Variants in FSD1L observed in about 807,000 individuals in gnomAD.
FSD1L encodes fibronectin type III and SPRY domain containing 1 like.
FSD1L carries 45 observed loss-of-function variants against 71.6 expected under a neutral mutation model. The ratio of observed to expected loss-of-function variants is 0.63; its 90% confidence interval spans 0.49 to 0.81. The LOEUF (loss-of-function observed/expected upper bound fraction) is 0.81. Ranked by LOEUF, FSD1L falls within the 30% of genes least tolerant of loss-of-function variation. The pLI is 0.00. For synonymous variants in FSD1L, 197 were observed against 207.2 expected, an observed-to-expected ratio of 0.95 and a Z score of 0.42; for missense variants, 561 against 618.1, an observed-to-expected ratio of 0.91 and a Z score of 0.98.
At chr9:105,455,709 A>G (rs1304812632) in intron 1 of FSD1L, among the ~76,000 whole-genome samples, 2 of 152,088 alleles carry the variant, frequency 1.3e-5, no homozygotes, top group Non-Finnish European at 2.9e-5. Context: ...TAACATCTTG[A>G]ATCTTTCCTT....
intron 7 of FSD1L, among the ~76,000 whole-genome samples, chr9:105,496,978 A>C (rs1469140477): frequency 6.6e-6 from 1 of 152,230 alleles, no homozygotes; most frequent in Non-Finnish European, 1.5e-5. Context: ...CTCTCCATTA[A>C]GTATGGTGTT....
At chr9:105,448,959 G>GAAGTATTTGGAGA (rs1829812418) in intron 1 of FSD1L, among the ~76,000 whole-genome samples, 1 of 152,204 alleles carries the variant, frequency 6.6e-6, no homozygotes, top group Non-Finnish European at 1.5e-5. Flanking sequence ...GGAGAACAAA[G>GAAGTATTTGGAGA]CCAATGTCTT....
chr9:105,531,414 C>G (rs1835887537), intron 10 of FSD1L, among the ~76,000 whole-genome samples: 1 of 152,136 alleles, frequency 6.6e-6, no homozygotes, highest in South Asian at 2.1e-4. Flanking sequence ...TGCTCTGTTT[C>G]TTAGCTGAAT....
At chr9:105,502,383 T>A (rs976690032) in intron 7 of FSD1L, among the ~76,000 whole-genome samples, 1 of 152,234 alleles carries the variant, frequency 6.6e-6, no homozygotes, top group African/African-American at 2.4e-5. Flanking sequence ...TATTTTACTT[T>A]GTATTTATCT....
Position 105,521,844 on chromosome 9 carries a change from T to C in FSD1L, c.1025+8908T>C. 4 of 1,612,362 alleles carry C rather than the reference T, an allele frequency of 2.5e-6. No homozygotes were observed. The South Asian group carries it at 4.4e-5, about 18-fold the overall frequency. ...TGGTACCCAGGCAGTTTTGCAGGTG[T>C]TTATTATAAACTCATCAAATATATT... is the stretch of plus-strand genomic sequence containing the variant. On this transcript the variant is annotated intron_variant, in intron 10 of 13. Transcript: ENST00000481272.
chr9:105,470,916 C>G (rs1831413646), intron 4 of FSD1L, among the ~76,000 whole-genome samples: 2 of 152,214 alleles, frequency 1.3e-5, no homozygotes, highest in African/African-American at 2.4e-5. Flanking sequence ...ACTGAAAACT[C>G]ATCCTGTGCA....
intron 10 of FSD1L, chr9:105,524,996 G>A (rs1835418457): frequency 3.8e-6 from 6 of 1,589,272 alleles, no homozygotes; most frequent in Middle Eastern, 1.7e-4. Flanking sequence ...TATGCCTGGA[G>A]GAGGTTTATC....
chr9:105,455,617 A>G (rs566797284), intron 1 of FSD1L, among the ~76,000 whole-genome samples: 36 of 152,292 alleles, frequency 2.4e-4, no homozygotes, highest in African/African-American at 8.2e-4. Flanking sequence ...CCTGGATTTG[A>G]AAAGCAGAGG....
rs555359170 is a variant in FSD1L, at chr9:105,508,264, G to A, written c.797-353G>A. ...GCGATCTCAGCTAACTGCAAGCTCCGCCTCCCCGGTTCACTCCATTCTCCT... is the reference window on the plus strand; with the variant it reads ...GCGATCTCAGCTAACTGCAAGCTCCACCTCCCCGGTTCACTCCATTCTCCT... On this transcript the variant is annotated intron_variant, in intron 8 of 13. Coordinates refer to ENST00000481272, the MANE Select transcript of FSD1L (RefSeq NM_001145313.3). Among the ~76,000 whole-genome samples, 4 of 142,574 alleles carry A rather than the reference G, an allele frequency of 2.8e-5. No individual in the cohort carries two copies. The South Asian group carries it at 6.7e-4, about 24-fold the overall frequency. The allele number at this position is 142,574 out of a possible 152,430, so 93.5% of individuals were successfully genotyped here. A position where few individuals can be genotyped will look rare whatever the true frequency, so the allele number is the denominator to read the frequency against.
chr9:105,451,901 G>T (rs954076786), intron 1 of FSD1L, among the ~76,000 whole-genome samples: 1 of 152,148 alleles, frequency 6.6e-6, no homozygotes, highest in African/African-American at 2.4e-5. Flanking sequence ...TCTAAGAAAG[G>T]TACTTACTGT....
intron 1 of FSD1L, among the ~76,000 whole-genome samples, chr9:105,450,534 CTT>C (rs35115121): frequency 1.5e-4 from 20 of 137,856 alleles, no homozygotes; most frequent in Admixed American, 1.5e-4. Flanking sequence ...GGATTGTGTT[CTT>C]TTTTTTTTTT....
At position 105,482,674 on chromosome 9, in the gene FSD1L, A is replaced by G. The variant is rs529919556; in HGVS notation, c.465-1707A>G. Among the ~76,000 whole-genome samples the G allele has an allele frequency of 1.6e-4, 24 of 152,330 alleles. No homozygotes were observed. In the South Asian group the frequency reaches 4.8e-3, roughly 30 times the overall value. ...AAGATTGTAGCATTGTTGCCCATCT[A>G]AATTGATTCATGGAAACTTAAGTTT... On this transcript the variant is annotated intron_variant, in intron 6 of 13. Coordinates refer to ENST00000481272, the MANE Select transcript of FSD1L (RefSeq NM_001145313.3).
chr9:105,521,301 A>G, intron 10 of FSD1L: 3 of 1,614,236 alleles, frequency 1.9e-6, no homozygotes, highest in Non-Finnish European at 1.7e-6. Context: ...AGAAGAAAGC[A>G]AAAATGATAA....
At chr9:105,471,767 TA>T (rs1831488037) in intron 4 of FSD1L, 136 bp from the exon 5 acceptor site, 1 of 305,692 alleles carries the variant, frequency 3.3e-6, no homozygotes, top group Non-Finnish European at 6.0e-6. Context: ...CTTGCTACAA[TA>T]GCTCACTGAA....
At chr9:105,520,294 G>C in intron 10 of FSD1L, 2 of 1,536,546 alleles carry the variant, frequency 1.3e-6, no homozygotes, top group South Asian at 1.2e-5. Context: ...TCCTAGTTCA[G>C]AGTTTATCTC....
intron 1 of FSD1L, among the ~76,000 whole-genome samples, chr9:105,450,406 A>G (rs955216618): frequency 6.6e-6 from 1 of 152,230 alleles, no homozygotes; most frequent in Admixed American, 6.5e-5. Flanking sequence ...TCTGGAGCCA[A>G]GTCTCCAGTT....
At chr9:105,542,865 CAGAG>C (rs1564155888) in intron 13 of FSD1L, among the ~76,000 whole-genome samples, 1 of 152,132 alleles carries the variant, frequency 6.6e-6, no homozygotes, top group Non-Finnish European at 1.5e-5. Flanking sequence ...CTGAACATTT[CAGAG>C]AGAAGTTTTT....
At chr9:105,541,797 C>A (rs1176247351) in intron 13 of FSD1L, among the ~76,000 whole-genome samples, 1 of 152,158 alleles carries the variant, frequency 6.6e-6, no homozygotes, top group Non-Finnish European at 1.5e-5. Context: ...GTGGACCGTT[C>A]CACACAACCA....
chr9:105,456,680 T>C (rs1588914747), intron 1 of FSD1L, among the ~76,000 whole-genome samples: 1 of 152,308 alleles, frequency 6.6e-6, no homozygotes, highest in South Asian at 2.1e-4. Context: ...ATTTTTTTGT[T>C]GTTGTTATGA....
Sources: gnomAD v4.1 joint callset for allele counts (sites outside exome capture counted in the v4.1 genomes callset) on GRCh38, gnomAD v4.1.1 for gene constraint, MANE v1.5 for transcripts, NCBI Gene and HGNC (gene_info 2026-07-23, HGNC 2026-07-21) for gene names.